Variants in CACNB2 observed in about 807,000 individuals in gnomAD.
CACNB2 encodes the protein voltage-dependent L-type calcium channel subunit beta-2.
CACNB2 carries 42 observed loss-of-function variants against 73.3 expected under a neutral mutation model. The observed-to-expected ratio is 0.57, with a 90% CI of 0.45 to 0.74. The LOEUF is 0.74. CACNB2 is among the 30% of genes least tolerant of loss of function. The pLI is 0.00. For synonymous variants in CACNB2, 348 were observed against 310.3 expected (o/e 1.12, Z -1.28); for missense variants, 940 against 853.0 (o/e 1.10, Z -1.27).
chr10:18,301,119 G>T (rs959177579), intron 2 of CACNB2, among the ~76,000 whole-genome samples: 2 of 152,208 alleles, frequency 1.3e-5, no homozygotes, highest in African/African-American at 4.8e-5. Context: ...AAGTGCAAAC[G>T]TAGCAGTGTT....
At chr10:18,333,550 G>T (rs1185508732) in intron 2 of CACNB2, among the ~76,000 whole-genome samples, 1 of 151,908 alleles carries the variant, frequency 6.6e-6, no homozygotes, top group East Asian at 1.9e-4. Context: ...ATGTGAAATT[G>T]TTTCCTACTT....
rs1554824204 is a variant in CACNB2 at position 18,464,418 on chromosome 10, T to TAAAATAAAAAAAAAAAA, written c.334-33933_334-33932insTAAAAAAAAAAAAAAAA. On this transcript the variant is annotated intron_variant, in intron 3 of 13. Transcript: ENST00000324631. ...CAGAGTGAGACCCTGTCTCAAAAAT[T>TAAAATAAAAAAAAAAAA]AAAAAAAAAAAAAAAAAAAAAAGAA... Among the ~76,000 whole-genome samples the TAAAATAAAAAAAAAAAA allele has an allele frequency of 8.0e-4, 68 of 85,276 alleles. 2 individuals carry two copies. The highest frequency in any genetic ancestry group is 1.1e-3 in the Non-Finnish European group (49 of 43,362). The allele number at this position is 85,276 out of a possible 152,430, so 55.9% of individuals were successfully genotyped here.
At chr10:18,239,745 G>A (rs2036578568) in intron 2 of CACNB2, among the ~76,000 whole-genome samples, 1 of 152,172 alleles carries the variant, frequency 6.6e-6, no homozygotes, top group African/African-American at 2.4e-5. Flanking sequence ...TAAAAGTAGA[G>A]AAGTGTTCTA....
chr10:18,223,649 T>C (rs556744754), intron 2 of CACNB2, among the ~76,000 whole-genome samples: 31 of 152,144 alleles, frequency 2.0e-4, no homozygotes, highest in Non-Finnish European at 4.4e-4. Flanking sequence ...GTATAAACTA[T>C]TATATGGTAA....
chr10:18,326,676 T>G (rs756313511), intron 2 of CACNB2, among the ~76,000 whole-genome samples: 31 of 152,216 alleles, frequency 2.0e-4, no homozygotes, highest in Non-Finnish European at 1.8e-4. Flanking sequence ...TCTGACCACA[T>G]GAACCTCTTC....
chr10:18,412,757 C>T (rs2044706306), intron 3 of CACNB2, among the ~76,000 whole-genome samples: 1 of 152,228 alleles, frequency 6.6e-6, no homozygotes, highest in Non-Finnish European at 1.5e-5. Context: ...GTCCATTCAA[C>T]CAAATGCTCA....
In CACNB2 at chr10:18,464,418, TAAAAAAAA is replaced by T. The variant is rs762982462; in HGVS notation, c.334-33922_334-33915del. 3.3e-4 allele frequency among the ~76,000 whole-genome samples: 28 copies of T among 85,300 alleles called. 1 individual carries two copies. Among genetic ancestry groups the T allele is most frequent in the Admixed American group, 4.6e-4 (3 of 6,472 alleles). The allele number at this position is 85,300 out of a possible 152,430, so 56.0% of individuals were successfully genotyped here. On this transcript the variant is annotated intron_variant, in intron 3 of 13. Transcript: ENST00000324631. ...CAGAGTGAGACCCTGTCTCAAAAAT[TAAAAAAAA>T]AAAAAAAAAAAAAAGAATTTGGCTC...
chr10:18,452,112 G>A (rs900457434), intron 3 of CACNB2, among the ~76,000 whole-genome samples: 5 of 152,036 alleles, frequency 3.3e-5, no homozygotes, highest in Admixed American at 6.6e-5. Flanking sequence ...TTAATAAATG[G>A]CCTTTCAGAA....
chr10:18,227,282 C>T (rs1193503724), intron 2 of CACNB2, among the ~76,000 whole-genome samples: 1 of 151,770 alleles, frequency 6.6e-6, no homozygotes, highest in Non-Finnish European at 1.5e-5. Flanking sequence ...TAGCTGTGAT[C>T]CAGAAGCGCA....
chr10:18,537,305 A>G (rs988873692), intron 12 of CACNB2, among the ~76,000 whole-genome samples: 1 of 152,246 alleles, frequency 6.6e-6, no homozygotes, highest in East Asian at 1.9e-4. Context: ...CTTTTTAAGC[A>G]TAGCCATTTC....
At chr10:18,176,673 C>T (rs1485009132) in intron 2 of CACNB2, among the ~76,000 whole-genome samples, 2 of 149,798 alleles carry the variant, frequency 1.3e-5, no homozygotes, top group Non-Finnish European at 3.0e-5. Context: ...ATCTAGAATG[C>T]CAAATGGAGG....
chr10:18,277,042 G>A lies in CACNB2; in HGVS notation c.214-124882G>A, dbSNP rs113932957. ...TGAGGTAGGAGGAGCTCTTGAGCCT[G>A]GGAGGTCGAGGCTGCAGTGAGCCGT... On this transcript the variant is annotated intron_variant, in intron 2 of 13. Transcript: ENST00000324631. Among the ~76,000 whole-genome samples the A allele has an allele frequency of 3.3e-3, 501 of 152,292 alleles. 2 individuals are homozygous for A. Among genetic ancestry groups the A allele is most frequent in the African/African-American group, 0.012 (483 of 41,560 alleles).
intron 2 of CACNB2, 87 bp from the exon 3 acceptor site, chr10:18,401,837 G>T: frequency 7.6e-7 from 1 of 1,307,872 alleles, no homozygotes. Context: ...AGAACAATCC[G>T]GGAAGCTAAC....
At chr10:18,186,038 A>G (rs560190961) in intron 2 of CACNB2, among the ~76,000 whole-genome samples, 1 of 152,330 alleles carries the variant, frequency 6.6e-6, no homozygotes, top group Admixed American at 6.5e-5. Flanking sequence ...TGTATATTTG[A>G]ATAAATGTGT....
intron 5 of CACNB2, among the ~76,000 whole-genome samples, chr10:18,505,639 A>G (rs1170254876): frequency 2.0e-5 from 3 of 152,192 alleles, no homozygotes; most frequent in Admixed American, 1.3e-4. Flanking sequence ...CAGTGAGATC[A>G]TTTTGCCCAA....
intron 2 of CACNB2, among the ~76,000 whole-genome samples, chr10:18,368,328 C>A (rs960667272): frequency 1.3e-5 from 2 of 152,128 alleles, no homozygotes; most frequent in African/African-American, 4.8e-5. Flanking sequence ...AAAAAACTTT[C>A]AAAAGAGTAG....
chr10:18,241,479 A>G (rs1439395864), intron 2 of CACNB2, among the ~76,000 whole-genome samples: 1 of 152,042 alleles, frequency 6.6e-6, no homozygotes, highest in East Asian at 1.9e-4. Flanking sequence ...GAAATACCTA[A>G]TGTAGATGAC....
intron 2 of CACNB2, among the ~76,000 whole-genome samples, chr10:18,269,557 T>A (rs1289521784): frequency 6.6e-6 from 1 of 152,132 alleles, no homozygotes; most frequent in African/African-American, 2.4e-5. Context: ...CTAGAAAAAA[T>A]GGCTAGAGAA....
chr10:18,281,214 G>C (rs2038531983), intron 2 of CACNB2, among the ~76,000 whole-genome samples: 1 of 152,212 alleles, frequency 6.6e-6, no homozygotes, highest in Non-Finnish European at 1.5e-5. Flanking sequence ...GCCTCAAGCA[G>C]AGAAAATTGC....
Sources: allele counts gnomAD v4.1 joint callset (sites outside exome capture counted in the v4.1 genomes callset), GRCh38; gene constraint gnomAD v4.1.1; transcripts MANE v1.5; gene names NCBI Gene and HGNC (gene_info 2026-07-23, HGNC 2026-07-21).